ARHGEF3: variants seen among roughly 807,000 people sequenced by gnomAD.
ARHGEF3 encodes 59.8 kDA protein.
A neutral mutation model predicts 63.2 loss-of-function variants in ARHGEF3; 28 were observed. The observed-to-expected ratio is 0.44, with a 90% CI of 0.33 to 0.61. ARHGEF3 has a LOEUF of 0.61. ARHGEF3 is among the 20% of genes least tolerant of loss of function. The probability of loss-of-function intolerance (pLI) is 0.03; values close to 1 mark genes in which losing one functional copy is unlikely to be tolerated. For synonymous variants in ARHGEF3, 266 were observed against 254.2 expected, an observed-to-expected ratio of 1.05 and a Z score of -0.44; for missense variants, 533 against 659.3, an observed-to-expected ratio of 0.81 and a Z score of 2.10.
At chr3:56,741,330 C>T (rs1324782869) in intron 7 of ARHGEF3, among the ~76,000 whole-genome samples, 3 of 151,324 alleles carry the variant, frequency 2.0e-5, no homozygotes, top group African/African-American at 7.3e-5. Flanking sequence ...GGATTACAGG[C>T]ATGCACCACC....
At chr3:56,906,218 T>A (rs2041678493) in intron 3 of ARHGEF3, among the ~76,000 whole-genome samples, 1 of 152,198 alleles carries the variant, frequency 6.6e-6, no homozygotes, top group African/African-American at 2.4e-5. Flanking sequence ...TTATCAAAAT[T>A]AAATAAAATT....
intron 3 of ARHGEF3, among the ~76,000 whole-genome samples, chr3:56,947,248 T>C (rs1003431814): frequency 3.3e-5 from 5 of 152,294 alleles, no homozygotes; most frequent in South Asian, 2.1e-4. Flanking sequence ...GCTAACATCA[T>C]GATGAGAGGA....
At chr3:56,996,773 AC>A (rs1363724542) in intron 2 of ARHGEF3, among the ~76,000 whole-genome samples, 1 of 152,082 alleles carries the variant, frequency 6.6e-6, no homozygotes, top group Admixed American at 6.6e-5. Context: ...AGCTATGCAG[AC>A]CCTATAGCCC....
At chr3:56,996,561 C>A (rs186429192) in intron 2 of ARHGEF3, among the ~76,000 whole-genome samples, 1 of 152,174 alleles carries the variant, frequency 6.6e-6, no homozygotes, top group Non-Finnish European at 1.5e-5. Context: ...CATCTATGAA[C>A]GAGGAAATGG....
intron 3 of ARHGEF3, among the ~76,000 whole-genome samples, chr3:56,936,192 T>C (rs1277730775): frequency 1.3e-5 from 2 of 151,942 alleles, no homozygotes; most frequent in African/African-American, 4.8e-5. Flanking sequence ...TCACACTGAG[T>C]TGGTCCAGAG....
rs202230821 is a variant in ARHGEF3, at chr3:56,920,828, A to G, written c.129+37995T>C. 5.3e-3 allele frequency among the ~76,000 whole-genome samples: 811 copies of G among 152,214 alleles called. 6 individuals carry two copies. The highest frequency in any genetic ancestry group is 0.019 in the African/African-American group (775 of 41,526). ...AGCACTTTGGGAGGCCGAGGCGGGCAGATCACGAGGTCAGGAGATCAAGAT... is the reference window on the plus strand; with the variant it reads ...AGCACTTTGGGAGGCCGAGGCGGGCGGATCACGAGGTCAGGAGATCAAGAT... On this transcript the variant is annotated intron_variant, in intron 3 of 12. Coordinates refer to the ARHGEF3 transcript ENST00000338458.
intron 3 of ARHGEF3, among the ~76,000 whole-genome samples, chr3:56,907,869 G>A (rs2041741619): frequency 6.6e-6 from 1 of 152,154 alleles, no homozygotes; most frequent in Admixed American, 6.5e-5. Flanking sequence ...CCTATCAGAG[G>A]GTGGAGGGTG....
At chr3:57,069,191 G>A (rs1261440547) in intron 1 of ARHGEF3, among the ~76,000 whole-genome samples, 2 of 152,162 alleles carry the variant, frequency 1.3e-5, no homozygotes, top group African/African-American at 4.8e-5. Flanking sequence ...AAAGTGCTAG[G>A]ATTACAGGCG....
intron 2 of ARHGEF3, among the ~76,000 whole-genome samples, chr3:57,014,009 C>T (rs1005201706): frequency 6.6e-6 from 1 of 152,214 alleles, no homozygotes; most frequent in Admixed American, 6.5e-5. Flanking sequence ...CTCTTTGGAT[C>T]TGCACTGCCT....
intron 3 of ARHGEF3, among the ~76,000 whole-genome samples, chr3:56,904,015 C>T (rs927280825): frequency 6.6e-6 from 1 of 151,428 alleles, no homozygotes. Flanking sequence ...GTACATGCTA[C>T]CATGCCTAAA....
chr3:56,957,587 A>C (rs112008016), intron 3 of ARHGEF3, among the ~76,000 whole-genome samples: 223 of 152,340 alleles, frequency 1.5e-3, no homozygotes, highest in African/African-American at 5.1e-3. Flanking sequence ...TGAGTCTTCC[A>C]ATCTTAAATT....
At chr3:56,916,235 C>G (rs1324631671) in intron 3 of ARHGEF3, 3 of 1,502,496 alleles carry the variant, frequency 2.0e-6, no homozygotes, top group Non-Finnish European at 2.7e-6. Flanking sequence ...CACCTCAGAT[C>G]CTGGCACCAC....
chr3:56,767,668 A>G (rs1347086872), intron 2 of ARHGEF3, among the ~76,000 whole-genome samples: 1 of 151,746 alleles, frequency 6.6e-6, no homozygotes, highest in Non-Finnish European at 1.5e-5. Context: ...TATTAATGGA[A>G]GTTTTTTGGT....
chr3:56,820,239 A>G (rs1413654444), intron 4 of ARHGEF3, among the ~76,000 whole-genome samples: 2 of 152,228 alleles, frequency 1.3e-5, no homozygotes, highest in East Asian at 3.8e-4. Flanking sequence ...GCTCAGCTGT[A>G]TAAGACTCTA....
intron 3 of ARHGEF3, among the ~76,000 whole-genome samples, chr3:56,948,692 C>T (rs1006368958): frequency 6.6e-6 from 1 of 152,116 alleles, no homozygotes; most frequent in Non-Finnish European, 1.5e-5. Context: ...CCGAATTCTA[C>T]CAGAGGTACA....
In ARHGEF3 at chr3:56,870,952, T is replaced by G. The variant is rs929394433; in HGVS notation, c.192+11340A>C. 4.6e-5 allele frequency among the ~76,000 whole-genome samples: 7 copies of G among 152,138 alleles called. 1 individual carries two copies. Among genetic ancestry groups the G allele is most frequent in the African/African-American group, 1.7e-4 (7 of 41,444 alleles). The stretch of plus-strand genomic sequence containing the variant: ...CTATTTAAAAGGGAAAAAAGCAAGT[T>G]GAAAATTAAAATAAAAACAATGACA... On this transcript the variant is annotated intron_variant, in intron 4 of 12. Coordinates refer to the ARHGEF3 transcript ENST00000338458.
upstream of ARHGEF3, among the ~76,000 whole-genome samples, chr3:56,802,241 G>C (rs1279088304): frequency 6.6e-6 from 1 of 152,210 alleles, no homozygotes; most frequent in African/African-American, 2.4e-5. Flanking sequence ...CGGGTGAAAG[G>C]CTGCTGGTAG....
intron 3 of ARHGEF3, among the ~76,000 whole-genome samples, chr3:56,925,448 G>A (rs2042251086): frequency 6.6e-6 from 1 of 152,146 alleles, no homozygotes; most frequent in Non-Finnish European, 1.5e-5. Context: ...ATAGGACCAT[G>A]CCTTATACCC....
chr3:57,060,795 T>C (rs763056025), intron 1 of ARHGEF3: 1 of 151,728 alleles, frequency 6.6e-6, no homozygotes, highest in Non-Finnish European at 1.5e-5. Context: ...TTGTGAGTAG[T>C]TTACCTGCCG....
Sources: allele counts gnomAD v4.1 joint callset (sites outside exome capture counted in the v4.1 genomes callset), GRCh38; gene constraint gnomAD v4.1.1; transcripts MANE v1.5; gene names NCBI Gene and HGNC (gene_info 2026-07-23, HGNC 2026-07-21).